The following ABCC9 variants were observed in gnomAD, a reference collection of about 807,000 sequenced individuals.
ABCC9 encodes the protein ATP-binding cassette sub-family C member 9.
Under a neutral mutation model 188.3 loss-of-function variants are expected in ABCC9, and 95 were observed. That is an observed-to-expected ratio of 0.50 (90% CI 0.43 to 0.60). ABCC9 has a LOEUF of 0.60. Among genes scored for constraint, ABCC9 ranks in the 20% least tolerant of loss-of-function variants. The pLI is 0.00. For missense variants in ABCC9, 1,102 were observed against 1,876.3 expected (o/e 0.59, Z 7.62); for synonymous variants, 659 against 652.7 (o/e 1.01, Z -0.15).
chr12:21,853,796 T>C (rs1227970607), intron 22 of ABCC9, among the ~76,000 whole-genome samples: 1 of 152,074 alleles, frequency 6.6e-6, no homozygotes, highest in African/African-American at 2.4e-5. Flanking sequence ...AGCAGGAATA[T>C]AATCACTCCT....
Position 21,910,173 on chromosome 12 carries a change from C to T in ABCC9, c.1304G>A (p.Trp435Ter), listed in dbSNP as rs1373185206. 6.2e-7 allele frequency: 1 copy of T among 1,610,800 alleles called. No individual in the cohort carries two copies. The highest frequency in any genetic ancestry group is 8.5e-7 in the Non-Finnish European group (1 of 1,177,880). Reference protein sequence around the residue: ...MWFLFLCPNLWAMPVQIIMGV... With the variant: ...MWFLFLCPNL ...TCTACCTACCTGAACAGGCATAGCC[C>T]ATAGATTGGGACACAGGAACAAAAA... Residue 435 changes from tryptophan (W) to a stop codon, truncating the protein, a stop_gained, in exon 10 of 40, where the codon TGG becomes TAG. Coordinates refer to ENST00000261200, the MANE Select transcript of ABCC9 (RefSeq NM_020297.4). LOFTEE classifies it high-confidence loss of function.
At chr12:21,820,817 G>C (rs1009450520) in intron 31 of ABCC9, among the ~76,000 whole-genome samples, 6 of 152,206 alleles carry the variant, frequency 3.9e-5, no homozygotes, top group Admixed American at 6.5e-5. Flanking sequence ...CTCCAGCCCT[G>C]TGGCTCTTCT....
chr12:21,822,462 C>A (rs888452148), intron 31 of ABCC9, among the ~76,000 whole-genome samples: 1 of 152,048 alleles, frequency 6.6e-6, no homozygotes. Flanking sequence ...CACTTCTCTT[C>A]AAATATTACA....
chr12:21,854,427 T>A (rs559586146), intron 22 of ABCC9, among the ~76,000 whole-genome samples: 1 of 152,202 alleles, frequency 6.6e-6, no homozygotes, highest in Non-Finnish European at 1.5e-5. Flanking sequence ...AAAAAATCAG[T>A]CTGCTGGATA....
intron 5 of ABCC9, among the ~76,000 whole-genome samples, chr12:21,918,555 C>T (rs762920967): frequency 9.9e-5 from 15 of 152,100 alleles, no homozygotes; most frequent in Admixed American, 2.6e-4. Flanking sequence ...GATTTTCTAT[C>T]GCTACTTAAC....
At position 21,913,004 on chromosome 12, in the gene ABCC9, A is replaced by G. The variant is rs1167376211; in HGVS notation, c.879T>C (p.Phe293=). Residue 293 remains phenylalanine, a synonymous_variant, in exon 8 of 40, where the codon TTT becomes TTC. Coordinates refer to ENST00000261200, the MANE Select transcript of ABCC9 (RefSeq NM_020297.4). ...PSIWLAMYRA[F]GRPILLSSTF... is the part of the protein sequence containing the mutation. Reference sequence around the variant, plus strand: ...TGCTACTAAGTAGAATTGGTCGCCCAAAAGCTCTGTACATTGCAAGCCATA... The same window carrying G: ...TGCTACTAAGTAGAATTGGTCGCCCGAAAGCTCTGTACATTGCAAGCCATA... The G allele has an allele frequency of 6.2e-7, 1 of 1,613,392 alleles. No homozygotes were observed. The highest frequency in any genetic ancestry group is 8.5e-7 in the Non-Finnish European group (1 of 1,179,630).
At chr12:21,902,581 A>G (rs942708803) in intron 12 of ABCC9, among the ~76,000 whole-genome samples, 4 of 152,346 alleles carry the variant, frequency 2.6e-5, no homozygotes, top group Non-Finnish European at 4.4e-5. Context: ...AGAAGAATCA[A>G]ATAGACGCAA....
chr12:21,925,149 G>A (rs1386306681), intron 5 of ABCC9: 1 of 187,734 alleles, frequency 5.3e-6, no homozygotes, highest in African/African-American at 2.3e-5. Context: ...ATTTCAGGAG[G>A]TTCATAGCCC....
In ABCC9 at chr12:21,895,200, C is replaced by A; in HGVS notation, c.1659+75G>T. ...AGGTGAGGTAATATATATTACTACCCACACATTCTTGCTCATAAATCATTT... is the reference window on the plus strand; with the variant it reads ...AGGTGAGGTAATATATATTACTACCAACACATTCTTGCTCATAAATCATTT... On this transcript the variant is annotated intron_variant, in intron 13 of 39. Coordinates refer to ENST00000261200, the MANE Select transcript of ABCC9 (RefSeq NM_020297.4). 2.3e-6 allele frequency: 3 copies of A among 1,289,808 alleles called. No individual in the cohort carries two copies. In the South Asian group the frequency reaches 3.6e-5, roughly 15 times the overall value. The allele number at this position is 1,289,808 out of a possible 1,614,324, so 79.9% of individuals were successfully genotyped here. A position where few individuals can be genotyped will look rare whatever the true frequency, so the allele number is the denominator to read the frequency against.
rs1946512324 is a variant in ABCC9 at position 21,879,206 on chromosome 12, T to G, written c.2020-3480A>C. Among the ~76,000 whole-genome samples, 3 of 152,264 alleles carry G rather than the reference T, an allele frequency of 2.0e-5. No homozygotes were observed. The South Asian group carries it at 6.2e-4, about 32-fold the overall frequency. ...GACAACACTACATATTTTACAAAGA[T>G]ATGGGCATGCCTAAGCACATCAAGC... On this transcript the variant is annotated intron_variant, in intron 16 of 39. Transcript: ENST00000261200.
chr12:21,865,085 G>A (rs1945714118), intron 18 of ABCC9, among the ~76,000 whole-genome samples: 1 of 152,084 alleles, frequency 6.6e-6, no homozygotes, highest in Admixed American at 6.6e-5. Flanking sequence ...GTATTATGAG[G>A]AAAGACACCT....
Position 21,829,257 on chromosome 12 carries a change from A to T in ABCC9, c.3567-197T>A, listed in dbSNP as rs11613400. ...CGCTCTGTTGCCCAGGCTGGAGTGCAGTGGCGCGATCTCGGCTCACTGCAA... is the reference window on the plus strand; with the variant it reads ...CGCTCTGTTGCCCAGGCTGGAGTGCTGTGGCGCGATCTCGGCTCACTGCAA... On this transcript the variant is annotated intron_variant, in intron 30 of 39. Transcript: ENST00000261200. Among the ~76,000 whole-genome samples the T allele has an allele frequency of 0.036, 4,322 of 121,248 alleles. 93 individuals are homozygous for T. The highest frequency in any genetic ancestry group is 0.051 in the Middle Eastern group (8 of 156). The allele number at this position is 121,248 out of a possible 152,430, so 79.5% of individuals were successfully genotyped here.
Position 21,810,409 on chromosome 12 carries a change from C to A in ABCC9, c.4212-454G>T, listed in dbSNP as rs908554068. Among the ~76,000 whole-genome samples, 7 of 152,062 alleles carry A rather than the reference C, an allele frequency of 4.6e-5. No individual in the cohort carries two copies. In the South Asian group the frequency reaches 8.3e-4, roughly 18 times the overall value. On this transcript the variant is annotated intron_variant, in intron 36 of 39. Coordinates refer to ENST00000261200, the MANE Select transcript of ABCC9 (RefSeq NM_020297.4). ...TTCTCATGCTGCTATAAGGACATAC[C>A]CGAGACTGGGTAATTTATAAAGAAA...
chr12:21,818,726 C>T (rs958906595), intron 31 of ABCC9, among the ~76,000 whole-genome samples: 4 of 147,716 alleles, frequency 2.7e-5, no homozygotes, highest in Non-Finnish European at 4.5e-5. Flanking sequence ...TTTTCTAGCT[C>T]AGATTTCATG....
intron 4 of ABCC9, among the ~76,000 whole-genome samples, chr12:21,929,811 G>A (rs574947692): frequency 3.1e-4 from 47 of 152,068 alleles, no homozygotes; most frequent in Admixed American, 1.4e-3. Flanking sequence ...AATTGGTTTT[G>A]TACTGGGTAT....
intron 18 of ABCC9, among the ~76,000 whole-genome samples, chr12:21,871,877 T>C (rs143520676): frequency 4.7e-4 from 71 of 152,332 alleles, no homozygotes; most frequent in African/African-American, 1.6e-3. Flanking sequence ...CCTAATTTCT[T>C]AGATCAGCTG....
At chr12:21,914,338 G>A (rs1948446107) in intron 7 of ABCC9, among the ~76,000 whole-genome samples, 1 of 152,000 alleles carries the variant, frequency 6.6e-6, no homozygotes, top group Non-Finnish European at 1.5e-5. Context: ...AATGATAAAA[G>A]ACAAAATGAA....
Position 21,910,852 on chromosome 12 carries a change from CA to C in ABCC9, c.1137del (p.Gly380AlafsTer11). 3.1e-6 allele frequency: 5 copies of C among 1,612,336 alleles called. No individual in the cohort carries two copies. Among genetic ancestry groups the C allele is most frequent in the Non-Finnish European group, 4.2e-6 (5 of 1,178,684 alleles). On this transcript the variant is annotated frameshift_variant, in exon 9 of 40. Coordinates refer to ENST00000261200, the MANE Select transcript of ABCC9 (RefSeq NM_020297.4). LOFTEE classifies it high-confidence loss of function. ...AGCAGAGCTCCACGGAGGTTAATGCCAGTCTCTATGGTTACATAGTAGGAAG... is the reference window on the plus strand; with the variant it reads ...AGCAGAGCTCCACGGAGGTTAATGCCGTCTCTATGGTTACATAGTAGGAAG... ...LQASYYVTIETGINLRGALLA... is the reference protein window; with the variant it reads ...LQASYYVTIEXGINLRGALLA...
chr12:21,801,267 C>G, intron 39 of ABCC9, 86 bp from the exon 40 acceptor site: 1 of 1,560,148 alleles, frequency 6.4e-7, no homozygotes, highest in Non-Finnish European at 8.8e-7. Flanking sequence ...ATGAATTATT[C>G]TGGGACATTT....
Sources: allele counts gnomAD v4.1 joint callset (sites outside exome capture counted in the v4.1 genomes callset), GRCh38; gene constraint gnomAD v4.1.1; transcripts MANE v1.5; gene names NCBI Gene and HGNC (gene_info 2026-07-23, HGNC 2026-07-21).